The following HSP90B1 variants were observed in gnomAD, a reference collection of about 807,000 sequenced individuals.
The protein encoded by HSP90B1 is endoplasmin.
HSP90B1 carries 27 observed loss-of-function variants against 100.4 expected under a neutral mutation model. The ratio of observed to expected loss-of-function variants is 0.27; its 90% CI spans 0.20 to 0.37. The LOEUF is 0.37. Among genes scored for constraint, HSP90B1 ranks in the 10% least tolerant of loss-of-function variants. HSP90B1 has a pLI of 1.00. For missense variants in HSP90B1, 678 were observed against 960.5 expected (o/e 0.71, Z 3.89); for synonymous variants, 304 against 330.8 (o/e 0.92, Z 0.88).
chr12:103,934,806 A>T (rs1869863947), intron 5 of HSP90B1, among the ~76,000 whole-genome samples: 1 of 152,170 alleles, frequency 6.6e-6, no homozygotes, highest in African/African-American at 2.4e-5. Context: ...GGTTCAAGCA[A>T]TTCTCCTGCC....
intron 5 of HSP90B1, among the ~76,000 whole-genome samples, chr12:103,935,678 G>T (rs1328343500): frequency 6.6e-6 from 1 of 152,112 alleles, no homozygotes; most frequent in Non-Finnish European, 1.5e-5. Context: ...GATGTCTCCA[G>T]GTTTCATTTG....
intron 4 of HSP90B1, 58 bp downstream of exon 4, chr12:103,933,000 G>A: frequency 1.1e-6 from 1 of 903,122 alleles, no homozygotes; most frequent in Non-Finnish European, 1.8e-6. Context: ...AAAGGTAGAG[G>A]ATCCCTATCA....
Position 103,937,732 on chromosome 12 carries a change from T to C in HSP90B1, c.781T>C (p.Leu261=), listed in dbSNP as rs1869957025. The C allele has an allele frequency of 3.7e-6, 6 of 1,600,666 alleles. No individual in the cohort carries two copies. Among genetic ancestry groups the C allele is most frequent in the Non-Finnish European group, 5.1e-6 (6 of 1,168,986 alleles). The change falls in exon 6 of 18, where the codon TTG becomes CTG. Residue 261 remains leucine, a synonymous_variant. Coordinates refer to ENST00000299767, the MANE Select transcript of HSP90B1 (RefSeq NM_003299.3). ...LKEEASDYLE[L]DTIKNLVKKY... is the part of the protein sequence containing the mutation. The stretch of plus-strand genomic sequence containing the variant: ...AGAAGAAGCATCTGATTACCTTGAA[T>C]TGGATACAATTAAAAATCTCGTCAA...
chr12:103,939,500 T>C lies in HSP90B1; in HGVS notation c.976-9T>C. On this transcript the variant is annotated splice_polypyrimidine_tract_variant and intron_variant, in intron 7 of 17. Coordinates refer to ENST00000299767, the MANE Select transcript of HSP90B1 (RefSeq NM_003299.3). ...GAGAGAGACTAATCAAATACTATAA[T>C]AACTTCAGGTTGAAAAAACTGTCTG... 1 of 1,324,084 alleles carries C rather than the reference T, an allele frequency of 7.6e-7. No homozygotes were observed. The highest frequency in any genetic ancestry group is 1.1e-6 in the Non-Finnish European group (1 of 946,184). 82.0% of individuals were successfully genotyped at this position (1,324,084 alleles called of 1,614,324 possible).
chr12:103,947,688 G>A lies in HSP90B1; in HGVS notation c.*26G>A. On this transcript the variant is annotated 3_prime_UTR_variant, in exon 18 of 18. Transcript: ENST00000299767. ...ATTATACTCTCACCATTTGGATCCT[G>A]TGTGGAGAGGGAATGTGAAATTTAC... 6.4e-7 allele frequency: 1 copy of A among 1,572,160 alleles called. No individual in the cohort carries two copies. Among genetic ancestry groups the A allele is most frequent in the Non-Finnish European group, 8.8e-7 (1 of 1,142,202 alleles).
In HSP90B1 at chr12:103,941,421, C is replaced by A; in HGVS notation, c.1104C>A (p.Asp368Glu). Residue 368 changes from aspartate to glutamate, a missense_variant, in exon 9 of 18, where the codon GAC becomes GAA. Coordinates refer to ENST00000299767, the MANE Select transcript of HSP90B1 (RefSeq NM_003299.3). ...CCAACTTTCCACAGGAAAGTGATGA[C>A]CCCATGGCTTATATTCACTTTACTG... Reference protein sequence around the residue: ...FYKSFSKESDDPMAYIHFTAE... With the variant: ...FYKSFSKESDEPMAYIHFTAE... 1 of 1,612,216 alleles carries A rather than the reference C, an allele frequency of 6.2e-7. No homozygotes were observed. Among genetic ancestry groups the A allele is most frequent in the Non-Finnish European group, 8.5e-7 (1 of 1,179,826 alleles).
At chr12:103,932,653 A>G (rs920560937) in intron 3 of HSP90B1, among the ~76,000 whole-genome samples, 173 bp from the exon 4 acceptor site, 1 of 152,240 alleles carries the variant, frequency 6.6e-6, no homozygotes, top group Non-Finnish European at 1.5e-5. Context: ...TTGTGAGTCT[A>G]AGGGCAGTCA....
In HSP90B1 at chr12:103,947,204, G is replaced by A; in HGVS notation, c.2263-107G>A. The stretch of plus-strand genomic sequence containing the variant: ...CATTCTAGTTAAGAGGATTTAGTCT[G>A]TGGTTCTGAATAAACAGAAGTGACA... On this transcript the variant is annotated intron_variant, in intron 16 of 17. Transcript: ENST00000299767. The A allele has an allele frequency of 5.8e-6, 8 of 1,385,130 alleles. No individual in the cohort carries two copies. The South Asian group carries it at 1.0e-4, about 18-fold the overall frequency. 85.8% of individuals were successfully genotyped at this position (1,385,130 alleles called of 1,614,324 possible).
Position 103,940,593 on chromosome 12 carries a change from ACTC to A in HSP90B1, c.1093-816_1093-814del, listed in dbSNP as rs1253649278. Among the ~76,000 whole-genome samples, 7 of 152,000 alleles carry A rather than the reference ACTC, an allele frequency of 4.6e-5. No individual in the cohort carries two copies. In the East Asian group the frequency reaches 1.4e-3, roughly 29 times the overall value. ...TCTGCCTTCACTTTTATTTCCATAA[ACTC>A]TAAAGTCCTAGTGTCTATAAACTTA... On this transcript the variant is annotated intron_variant, in intron 8 of 17. Coordinates refer to ENST00000299767, the MANE Select transcript of HSP90B1 (RefSeq NM_003299.3).
Position 103,930,602 on chromosome 12 carries a change from A to T in HSP90B1, c.49+38A>T, listed in dbSNP as rs1869717221. On this transcript the variant is annotated intron_variant, in intron 1 of 17. Coordinates refer to ENST00000299767, the MANE Select transcript of HSP90B1 (RefSeq NM_003299.3). The surrounding 1 kb of genome is among the most constrained non-coding windows in gnomAD (Gnocchi z 4.4). ...GGAGGAGCAGACGTCCCCCCTCCAC[A>T]CACGCGGCCGCTTCTCGAAGGTCCT... The T allele has an allele frequency of 2.5e-6, 4 of 1,582,316 alleles. No homozygotes were observed. In the East Asian group the frequency reaches 9.3e-5, roughly 37 times the overall value.
At chr12:103,942,427 G>A (rs1870105971) in intron 11 of HSP90B1, 100 bp from the exon 12 acceptor site, 8 of 1,058,620 alleles carry the variant, frequency 7.6e-6, no homozygotes, top group Admixed American at 2.4e-5. Flanking sequence ...TGGCAATAAC[G>A]ATATCGTCTT....
Position 103,932,883 on chromosome 12 carries a change from A to G in HSP90B1, c.352A>G (p.Ile118Val). The change falls in exon 4 of 18, where the codon ATA becomes GTA. Residue 118 changes from isoleucine to valine, a missense_variant. This residue lies in a region of HSP90B1 where 238 missense variants were observed against 346.7 expected (regional missense o/e 0.69). Coordinates refer to ENST00000299767, the MANE Select transcript of HSP90B1 (RefSeq NM_003299.3). The stretch of plus-strand genomic sequence containing the variant: ...TGATGCTTTAGATAAGATAAGGCTA[A>G]TATCACTGACTGATGAAAATGCTCT... ...ASDALDKIRLISLTDENALSG... is the reference protein window; with the variant it reads ...ASDALDKIRLVSLTDENALSG... The G allele has an allele frequency of 6.2e-7, 1 of 1,608,318 alleles. No homozygotes were observed. The highest frequency in any genetic ancestry group is 8.5e-7 in the Non-Finnish European group (1 of 1,174,926).
chr12:103,943,259 A>G lies in HSP90B1; in HGVS notation c.1830A>G (p.Ala610=), dbSNP rs1174916289. ...ESEKTKESRE[A]VEKEFEPLLN... is the part of the protein sequence containing the mutation. ...AGAAAACTAAGGAGAGTCGTGAAGC[A>G]GTTGAGAAAGAATTTGAGCCTCTGC... The change falls in exon 13 of 18, where the codon GCA becomes GCG. Residue 610 remains alanine, a synonymous_variant. Coordinates refer to ENST00000299767, the MANE Select transcript of HSP90B1 (RefSeq NM_003299.3). This position sits in a 1 kb window ranked among gnomAD's most constrained non-coding sequence, Gnocchi z 5.3. 1 of 1,614,136 alleles carries G rather than the reference A, an allele frequency of 6.2e-7. No individual in the cohort carries two copies. The highest frequency in any genetic ancestry group is 1.1e-5 in the South Asian group (1 of 91,090).
Position 103,934,258 on chromosome 12 carries a change from A to C in HSP90B1, c.714A>C (p.Gly238=), listed in dbSNP as rs1869843193. ...NEFSVIADPR[G]NTLGRGTTIT... ...TTTCTGTAATTGCTGACCCAAGAGG[A>C]AACACTCTAGGACGGGGAACGACAA... Residue 238 remains glycine (G), a synonymous_variant, in exon 5 of 18, where the codon GGA becomes GGC. Coordinates refer to ENST00000299767, the MANE Select transcript of HSP90B1 (RefSeq NM_003299.3). 1 of 1,613,948 alleles carries C rather than the reference A, an allele frequency of 6.2e-7. No homozygotes were observed. Among genetic ancestry groups the C allele is most frequent in the African/African-American group, 1.3e-5 (1 of 74,934 alleles).
At chr12:103,931,909 C>A in intron 2 of HSP90B1, 2 of 448,106 alleles carry the variant, frequency 4.5e-6, no homozygotes, top group East Asian at 4.7e-5. Flanking sequence ...CTGTGTACAC[C>A]GAGTAAGTTT....
intron 1 of HSP90B1, among the ~76,000 whole-genome samples, chr12:103,931,113 C>G (rs1425169727): frequency 6.6e-6 from 1 of 152,188 alleles, no homozygotes; most frequent in Non-Finnish European, 1.5e-5. Context: ...TTCAGTTCCC[C>G]TCGCCAGAGG....
rs1869840664 is a variant in HSP90B1, at chr12:103,934,184, A to G, written c.640A>G (p.Lys214Glu). ...LVADKVIVTS[K>E]HNNDTQHIWE... ...AGCAGATAAGGTTATTGTCACTTCA[A>G]AACACAACAACGATACCCAGCACAT... The change falls in exon 5 of 18, where the codon AAA becomes GAA. Residue 214 changes from lysine (K) to glutamate (E), a missense_variant. Physicochemically the swap from Lys to Glu is moderately conservative, Grantham distance 56 (BLOSUM62 1). This residue lies in a region of HSP90B1 where 238 missense variants were observed against 346.7 expected (regional missense o/e 0.69). Transcript: ENST00000299767. The G allele has an allele frequency of 6.2e-7, 1 of 1,614,092 alleles. No homozygotes were observed. Among genetic ancestry groups the G allele is most frequent in the African/African-American group, 1.3e-5 (1 of 74,934 alleles).
intron 14 of HSP90B1, among the ~76,000 whole-genome samples, chr12:103,945,079 T>TTA (rs1438116013): frequency 2.0e-5 from 3 of 152,212 alleles, no homozygotes; most frequent in Admixed American, 1.3e-4. Context: ...ACATGAAGAC[T>TTA]TACTATGTCC....
At chr12:103,941,349 T>C in intron 8 of HSP90B1, 61 bp from the exon 9 acceptor site, 2 of 1,547,794 alleles carry the variant, frequency 1.3e-6, no homozygotes, top group Non-Finnish European at 1.8e-6. Flanking sequence ...GTACATTGCT[T>C]AGTTCTTGCA....
Sources: gnomAD v4.1 joint callset for allele counts (sites outside exome capture counted in the v4.1 genomes callset) on GRCh38, gnomAD v4.1.1 for gene constraint, gnomAD v4.1.1 regional missense constraint, Gnocchi (gnomAD v3.1) non-coding constraint, MANE v1.5 for transcripts, NCBI Gene and HGNC (gene_info 2026-07-23, HGNC 2026-07-21) for gene names.